Variants in SRPK2 observed in about 807,000 individuals in gnomAD.
SRPK2 encodes the protein SFRS protein kinase 2.
A neutral mutation model predicts 90.8 loss-of-function variants in SRPK2; 21 were observed. That is an observed-to-expected ratio of 0.23 (90% CI 0.16 to 0.33). SRPK2 has a LOEUF of 0.33. Ranked by LOEUF, SRPK2 falls within the 10% of genes least tolerant of loss-of-function variation. SRPK2 has a pLI of 1.00. For missense variants in SRPK2, 620 were observed against 869.0 expected (o/e 0.71, Z 3.60); for synonymous variants, 288 against 311.1 (o/e 0.93, Z 0.78).
At chr7:105,301,496 G>A in intron 2 of SRPK2, 1 of 1,228,508 alleles carries the variant, frequency 8.1e-7, no homozygotes, top group Non-Finnish European at 1.2e-6. Context: ...CGTCCACTCA[G>A]GAGGCGCCCC....
intron 2 of SRPK2, among the ~76,000 whole-genome samples, chr7:105,216,070 A>C (rs1229152151): frequency 3.2e-5 from 4 of 123,372 alleles, no homozygotes; most frequent in Non-Finnish European, 6.6e-5. Flanking sequence ...CCATCTCTAC[A>C]AAAAAAAAAA....
At chr7:105,278,538 T>A (rs1197660682) in intron 2 of SRPK2, among the ~76,000 whole-genome samples, 156 of 124,524 alleles carry the variant, frequency 1.3e-3, no homozygotes, top group African/African-American at 4.2e-3. Context: ...AAAAAAAAAA[T>A]AGCCGGGAGT....
Position 105,142,071 on chromosome 7 carries a change from TCTC to T in SRPK2, c.1477_1479del (p.Glu493del), listed in dbSNP as rs755460778. The stretch of plus-strand genomic sequence containing the variant: ...CTGCTTCTGTCATGGGATGGACTGC[TCTC>T]CTCTTGCTCAGTAAGTGGTGATCCC... On this transcript the variant is annotated inframe_deletion, in exon 11 of 16. Coordinates refer to ENST00000393651, the MANE Select transcript of SRPK2 (RefSeq NM_182692.3). 2.5e-6 allele frequency: 4 copies of T among 1,613,972 alleles called. No individual in the cohort carries two copies. In the African/African-American group the frequency reaches 5.3e-5, roughly 22 times the overall value.
chr7:105,301,444 T>C, intron 2 of SRPK2: 1 of 811,498 alleles, frequency 1.2e-6, no homozygotes. Context: ...TCGCCGGGCC[T>C]CTGGGCCGCT....
chr7:105,288,398 A>T (rs1412767476), intron 2 of SRPK2, among the ~76,000 whole-genome samples: 1 of 152,146 alleles, frequency 6.6e-6, no homozygotes, highest in Non-Finnish European at 1.5e-5. Context: ...GTTTGAGATC[A>T]GCCTGGCCAA....
At position 105,232,721 on chromosome 7, in the gene SRPK2, A is replaced by AT. The variant is rs1799598619; in HGVS notation, c.72-28937_72-28936insA. The stretch of plus-strand genomic sequence containing the variant: ...TAAAAAAAACAACAATAATAATAAA[A>AT]AAAAAAAAGATAACCAGGCTCAGCG... On this transcript the variant is annotated intron_variant, in intron 2 of 15. Coordinates refer to ENST00000393651, the MANE Select transcript of SRPK2 (RefSeq NM_182692.3). 5.3e-5 allele frequency among the ~76,000 whole-genome samples: 8 copies of AT among 151,286 alleles called. No individual in the cohort carries two copies. The South Asian group carries it at 6.3e-4, about 12-fold the overall frequency.
chr7:105,167,874 G>A, intron 5 of SRPK2, 134 bp downstream of exon 5: 1 of 692,126 alleles, frequency 1.4e-6, no homozygotes, highest in South Asian at 2.1e-5. Context: ...GCCTCCCAAA[G>A]TGCTGAGATT....
At chr7:105,237,709 G>T (rs1027586425) in intron 2 of SRPK2, among the ~76,000 whole-genome samples, 2 of 152,178 alleles carry the variant, frequency 1.3e-5, no homozygotes, top group Admixed American at 1.3e-4. Flanking sequence ...AGACCGAATG[G>T]GGATAGGGTC....
chr7:105,351,068 C>T (rs1455286655), intron 2 of SRPK2, among the ~76,000 whole-genome samples: 1 of 152,104 alleles, frequency 6.6e-6, no homozygotes, highest in African/African-American at 2.4e-5. Context: ...TAAGAGGTGA[C>T]TGTGTCATGA....
At position 105,163,977 on chromosome 7, in the gene SRPK2, A is replaced by G. The variant is rs1385548814; in HGVS notation, c.515-3364T>C. Among the ~76,000 whole-genome samples, 3 of 152,332 alleles carry G rather than the reference A, an allele frequency of 2.0e-5. No homozygotes were observed. In the East Asian group the frequency reaches 5.8e-4, roughly 29 times the overall value. On this transcript the variant is annotated intron_variant, in intron 6 of 15. Transcript: ENST00000393651. ...GTGCCAAAACCATTGTTCCCAGATC[A>G]AGACAAGAGCAGAGCTTTCAACGGA...
At chr7:105,197,506 A>G (rs1021490766) in intron 3 of SRPK2, among the ~76,000 whole-genome samples, 1 of 152,154 alleles carries the variant, frequency 6.6e-6, no homozygotes, top group African/African-American at 2.4e-5. Context: ...CCTGAACATC[A>G]GCACTCTGCC....
intron 2 of SRPK2, among the ~76,000 whole-genome samples, chr7:105,207,909 G>T (rs1312717284): frequency 6.6e-6 from 1 of 152,128 alleles, no homozygotes; most frequent in Non-Finnish European, 1.5e-5. Context: ...AGTGATAAGT[G>T]ACTTGTATCT....
At chr7:105,175,153 G>C (rs543110731) in intron 3 of SRPK2, among the ~76,000 whole-genome samples, 1 of 148,530 alleles carries the variant, frequency 6.7e-6, no homozygotes, top group Non-Finnish European at 1.5e-5. Flanking sequence ...AAAAAAAAAA[G>C]AAAGAAAGAA....
At chr7:105,189,315 G>T (rs1793982876) in intron 3 of SRPK2, 2 of 155,896 alleles carry the variant, frequency 1.3e-5, no homozygotes, top group South Asian at 1.8e-4. Context: ...AACCTTTTCG[G>T]CCTGGTTTGT....
intron 2 of SRPK2, among the ~76,000 whole-genome samples, chr7:105,212,080 A>C (rs1796929709): frequency 6.6e-6 from 1 of 152,200 alleles, no homozygotes; most frequent in Non-Finnish European, 1.5e-5. Context: ...TATTCTTTGC[A>C]AAAAGCAAAC....
At chr7:105,165,500 C>T (rs1789924451) in intron 6 of SRPK2, among the ~76,000 whole-genome samples, 1 of 152,124 alleles carries the variant, frequency 6.6e-6, no homozygotes, top group Admixed American at 6.6e-5. Flanking sequence ...TGTAAATGCA[C>T]CAATCAGTGC....
intron 2 of SRPK2, among the ~76,000 whole-genome samples, chr7:105,315,791 A>G (rs896123153): frequency 5.3e-5 from 8 of 152,222 alleles, no homozygotes; most frequent in African/African-American, 1.9e-4. Flanking sequence ...CATGGTGAAC[A>G]AACAATAAAA....
intron 2 of SRPK2, among the ~76,000 whole-genome samples, chr7:105,232,469 A>T (rs75936227): frequency 1.3e-4 from 1 of 7,456 alleles, no homozygotes; most frequent in Non-Finnish European, 7.3e-4. Flanking sequence ...AAAAAAAAAA[A>T]AAAAAAAAAA....
chr7:105,271,528 A>G (rs920310957), intron 2 of SRPK2, among the ~76,000 whole-genome samples: 4 of 152,176 alleles, frequency 2.6e-5, no homozygotes, highest in African/African-American at 9.7e-5. Flanking sequence ...CCCTGTCCTT[A>G]TCATCCATAG....
Sources: gnomAD v4.1 joint callset for allele counts (sites outside exome capture counted in the v4.1 genomes callset) on GRCh38, gnomAD v4.1.1 for gene constraint, MANE v1.5 for transcripts, NCBI Gene and HGNC (gene_info 2026-07-23, HGNC 2026-07-21) for gene names.